The following ROBO2 variants were observed in gnomAD, a reference collection of about 807,000 sequenced individuals.
The protein encoded by ROBO2 is roundabout homolog 2.
ROBO2 carries 53 observed loss-of-function variants against 160.8 expected under a neutral mutation model. The observed-to-expected ratio is 0.33, with a 90% CI of 0.26 to 0.41. The LOEUF (loss-of-function observed/expected upper bound fraction) is 0.41. Ranked by LOEUF, ROBO2 falls within the 10% of genes least tolerant of loss-of-function variation. The pLI is 1.00. For synonymous variants in ROBO2, 664 were observed against 611.7 expected, an observed-to-expected ratio of 1.09 and a Z score of -1.26; for missense variants, 1,577 against 1,722.4, an observed-to-expected ratio of 0.92 and a Z score of 1.49.
intron 2 of ROBO2, among the ~76,000 whole-genome samples, chr3:77,473,807 A>T (rs1305426390): frequency 2.6e-5 from 4 of 151,930 alleles, no homozygotes; most frequent in Admixed American, 6.6e-5. Context: ...GTTAAAAGGG[A>T]AGCCTCGCTG....
intron 2 of ROBO2, among the ~76,000 whole-genome samples, chr3:76,609,947 A>G (rs559554981): frequency 6.6e-6 from 1 of 152,314 alleles, no homozygotes; most frequent in East Asian, 1.9e-4. Flanking sequence ...TTCAGCATCA[A>G]TTGAAATGAT....
chr3:76,437,365 A>G lies in ROBO2; in HGVS notation c.109+499763A>G, dbSNP rs1033299890. The stretch of plus-strand genomic sequence containing the variant: ...GGGTTTCCTATACTTGAAAAAACCA[A>G]TACTACTTTTCAAGTAGTACTAAGC... On this transcript the variant is annotated intron_variant, in intron 2 of 26. Transcript: ENST00000487694. Among the ~76,000 whole-genome samples, 84 of 152,304 alleles carry G rather than the reference A, an allele frequency of 5.5e-4. 1 individual carries two copies. The highest frequency in any genetic ancestry group is 3.1e-4 in the Non-Finnish European group (21 of 68,010).
At chr3:76,140,163 G>C (rs940891677) in intron 2 of ROBO2, among the ~76,000 whole-genome samples, 6 of 151,962 alleles carry the variant, frequency 3.9e-5, no homozygotes, top group Admixed American at 1.3e-4. Context: ...TCAGAATGTC[G>C]CTCAATTTGA....
intron 2 of ROBO2, among the ~76,000 whole-genome samples, chr3:76,029,597 G>A (rs2066854013): frequency 2.6e-5 from 4 of 151,892 alleles, no homozygotes. Flanking sequence ...ATTCTCACCT[G>A]TGAGTGAGAA....
chr3:77,425,970 A>G (rs780175465), intron 2 of ROBO2, among the ~76,000 whole-genome samples: 9 of 152,028 alleles, frequency 5.9e-5, no homozygotes, highest in Non-Finnish European at 1.3e-4. Flanking sequence ...GCCCCTTAAT[A>G]TGATTCGTGG....
chr3:76,271,749 C>T (rs1438571227), intron 2 of ROBO2, among the ~76,000 whole-genome samples: 2 of 151,700 alleles, frequency 1.3e-5, no homozygotes, highest in Non-Finnish European at 2.9e-5. Flanking sequence ...CCCTTTTCAT[C>T]CTTCTCTCCT....
At chr3:77,617,802 C>G (rs1461781861) in intron 22 of ROBO2, 29 bp downstream of exon 23, 2 of 1,609,008 alleles carry the variant, frequency 1.2e-6, no homozygotes, top group Non-Finnish European at 1.7e-6. Flanking sequence ...TCAAGAGACC[C>G]ATGCTTTCAA....
At chr3:75,981,393 T>C (rs117022099) in intron 2 of ROBO2, among the ~76,000 whole-genome samples, 3 of 151,440 alleles carry the variant, frequency 2.0e-5, no homozygotes, top group African/African-American at 4.8e-5. Flanking sequence ...TGTACGTATA[T>C]CTTGAAAGAC....
intron 2 of ROBO2, among the ~76,000 whole-genome samples, chr3:77,104,938 A>G (rs757050279): frequency 1.3e-5 from 2 of 152,150 alleles, no homozygotes; most frequent in South Asian, 2.1e-4. Context: ...TTTGGTCCCA[A>G]TTAAGTTGGA....
chr3:77,406,026 T>C (rs912566064), intron 2 of ROBO2, among the ~76,000 whole-genome samples: 1 of 152,194 alleles, frequency 6.6e-6, no homozygotes, highest in Admixed American at 6.6e-5. Flanking sequence ...CTGCACAATT[T>C]ATAAAGAAAG....
intron 2 of ROBO2, among the ~76,000 whole-genome samples, chr3:76,195,123 T>C (rs1025536466): frequency 6.6e-6 from 1 of 152,204 alleles, no homozygotes; most frequent in African/African-American, 2.4e-5. Flanking sequence ...TAAAAAGATA[T>C]AATGATGTTT....
At chr3:76,521,582 G>A (rs1370400976) in intron 2 of ROBO2, among the ~76,000 whole-genome samples, 1 of 152,094 alleles carries the variant, frequency 6.6e-6, no homozygotes, top group Non-Finnish European at 1.5e-5. Flanking sequence ...AACTCTGCAA[G>A]CCTCAACTTT....
chr3:77,047,524 A>T (rs893538052), intron 1 of ROBO2, among the ~76,000 whole-genome samples: 3 of 150,556 alleles, frequency 2.0e-5, no homozygotes, highest in Non-Finnish European at 3.0e-5. Flanking sequence ...CTCTCTATTT[A>T]AAAAAAATAC....
chr3:76,502,341 C>T (rs1224427777), intron 2 of ROBO2, among the ~76,000 whole-genome samples: 1 of 152,164 alleles, frequency 6.6e-6, no homozygotes, highest in East Asian at 1.9e-4. Flanking sequence ...TCCTGTTCCA[C>T]CTGAACAAAT....
chr3:77,632,593 G>A (rs1309427556), intron 23 of ROBO2: 11 of 1,535,632 alleles, frequency 7.2e-6, no homozygotes, highest in Non-Finnish European at 8.7e-6. Context: ...TTTTGCACAA[G>A]CACTGGTGGC....
chr3:76,841,475 T>A (rs1487612301), intron 2 of ROBO2, among the ~76,000 whole-genome samples: 1 of 152,218 alleles, frequency 6.6e-6, no homozygotes, highest in East Asian at 1.9e-4. Flanking sequence ...AGTAATTTGT[T>A]TGGATGAGGG....
At position 77,478,138 on chromosome 3, in the gene ROBO2, T is replaced by G. The variant is rs1278000170; in HGVS notation, c.546+567T>G. 5.5e-4 allele frequency among the ~76,000 whole-genome samples: 83 copies of G among 152,288 alleles called. 1 individual carries two copies. Among genetic ancestry groups the G allele is most frequent in the Admixed American group, 5.4e-3 (83 of 15,286 alleles). On this transcript the variant is annotated intron_variant, in intron 3 of 25. Coordinates refer to ENST00000461745, the Ensembl canonical transcript of ROBO2. The stretch of plus-strand genomic sequence containing the variant: ...CCACACCCAGCTGATGTTTTAGCTC[T>G]TTTATAAAATCTCCAGAAGCTTCTG...
upstream of ROBO2, among the ~76,000 whole-genome samples, chr3:77,039,571 G>A (rs1462283114): frequency 6.6e-6 from 1 of 152,138 alleles, no homozygotes; most frequent in African/African-American, 2.4e-5. Context: ...GCGCGGAGAA[G>A]GGGAAGGAGT....
At chr3:76,374,781 G>A (rs2076263152) in intron 2 of ROBO2, among the ~76,000 whole-genome samples, 1 of 151,838 alleles carries the variant, frequency 6.6e-6, no homozygotes, top group Admixed American at 6.6e-5. Context: ...GCTGCAAGTG[G>A]TTTATTTTAG....
Sources: allele counts gnomAD v4.1 joint callset (sites outside exome capture counted in the v4.1 genomes callset), GRCh38; gene constraint gnomAD v4.1.1; transcripts MANE v1.5; gene names NCBI Gene and HGNC (gene_info 2026-07-23, HGNC 2026-07-21).